The following SLCO2A1 variants were observed in gnomAD, a reference collection of about 807,000 sequenced individuals.
The protein encoded by SLCO2A1 is matrin F/G 1.
SLCO2A1 carries 60 observed loss-of-function variants against 71.7 expected under a neutral mutation model. The observed-to-expected ratio is 0.84, with a 90% CI of 0.68 to 1.04. SLCO2A1 has a LOEUF of 1.04. Among genes scored for constraint, SLCO2A1 ranks in the 50% least tolerant of loss-of-function variants. The probability of loss-of-function intolerance (pLI) is 0.00; values close to 1 mark genes in which losing one functional copy is unlikely to be tolerated. For missense variants in SLCO2A1, 745 were observed against 813.4 expected, an observed-to-expected ratio of 0.92 and a Z score of 1.02; for synonymous variants, 308 against 326.7, an observed-to-expected ratio of 0.94 and a Z score of 0.62.
At chr3:134,028,288 C>A (rs1935738478) in intron 1 of SLCO2A1, among the ~76,000 whole-genome samples, 2 of 152,138 alleles carry the variant, frequency 1.3e-5, no homozygotes, top group South Asian at 4.1e-4. Context: ...TAGTCCCTAC[C>A]CTTTCATCTC....
Position 133,968,628 on chromosome 3 carries a change from G to A in SLCO2A1, c.397+5035C>T, listed in dbSNP as rs1039996064. On this transcript the variant is annotated intron_variant, in intron 3 of 13. Coordinates refer to ENST00000310926, the MANE Select transcript of SLCO2A1 (RefSeq NM_005630.3). ...AACCTCCAGGAAGCTTCCTGCCTGC[G>A]GCATCCATTGTCTGCATGTGGGCAG... is the stretch of plus-strand genomic sequence containing the variant. Among the ~76,000 whole-genome samples the A allele has an allele frequency of 2.0e-5, 3 of 152,208 alleles. No homozygotes were observed. In the South Asian group the frequency reaches 6.2e-4, roughly 32 times the overall value.
intron 10 of SLCO2A1, among the ~76,000 whole-genome samples, chr3:133,944,106 C>A (rs1399098168): frequency 3.3e-5 from 5 of 152,160 alleles, no homozygotes; most frequent in Non-Finnish European, 7.3e-5. Context: ...ACATTCATGC[C>A]CTTGGGACTT....
chr3:134,019,847 C>T (rs1456188757), intron 1 of SLCO2A1, among the ~76,000 whole-genome samples: 2 of 152,220 alleles, frequency 1.3e-5, no homozygotes, highest in Non-Finnish European at 2.9e-5. Flanking sequence ...ATGACAGACC[C>T]TCTGGTTGAG....
chr3:134,012,707 G>A (rs981957045), intron 1 of SLCO2A1, among the ~76,000 whole-genome samples: 1 of 152,140 alleles, frequency 6.6e-6, no homozygotes, highest in Non-Finnish European at 1.5e-5. Context: ...AGGGAAATGA[G>A]CTCCACCGCT....
intron 2 of SLCO2A1, among the ~76,000 whole-genome samples, chr3:133,978,096 T>A (rs1459618181): frequency 6.6e-6 from 1 of 152,160 alleles, no homozygotes; most frequent in Non-Finnish European, 1.5e-5. Flanking sequence ...ATGCATGTCA[T>A]ATATGTGGCG....
At chr3:133,955,662 G>A (rs1444316238) in intron 3 of SLCO2A1, among the ~76,000 whole-genome samples, 1 of 152,176 alleles carries the variant, frequency 6.6e-6, no homozygotes, top group African/African-American at 2.4e-5. Flanking sequence ...TCTTCAGCAG[G>A]ACAGAGGTCA....
At chr3:134,004,694 G>A (rs1382653384) in intron 1 of SLCO2A1, among the ~76,000 whole-genome samples, 5 of 152,168 alleles carry the variant, frequency 3.3e-5, no homozygotes, top group African/African-American at 4.8e-5. Flanking sequence ...AAAGGAGAGT[G>A]ATTCAGATGG....
chr3:133,949,493 T>C (rs887217272), intron 6 of SLCO2A1, among the ~76,000 whole-genome samples: 1 of 152,178 alleles, frequency 6.6e-6, no homozygotes. Context: ...TGCACTTTCT[T>C]GGGTATACTA....
At chr3:133,948,433 C>T (rs1276643515) in intron 8 of SLCO2A1, 103 bp downstream of exon 8, 5 of 1,231,050 alleles carry the variant, frequency 4.1e-6, no homozygotes, top group Non-Finnish European at 5.7e-6. Context: ...CGGACCCTGC[C>T]TATGTCCGGT....
At chr3:133,967,361 A>G (rs1386197159) in intron 3 of SLCO2A1, among the ~76,000 whole-genome samples, 1 of 152,216 alleles carries the variant, frequency 6.6e-6, no homozygotes, top group Non-Finnish European at 1.5e-5. Context: ...GTCACGGCTC[A>G]GGCTCAGGCC....
Position 134,015,698 on chromosome 3 carries a change from T to C in SLCO2A1, c.96+14009A>G, listed in dbSNP as rs186735574. On this transcript the variant is annotated intron_variant, in intron 1 of 13. Transcript: ENST00000310926. ...ACGTCACATTGTACTCCATAATGTA[T>C]ACAATTATGCCAATCAAAAACTTGT... Among the ~76,000 whole-genome samples the C allele has an allele frequency of 1.5e-3, 229 of 152,304 alleles. 1 individual carries two copies. Among genetic ancestry groups the C allele is most frequent in the African/African-American group, 5.2e-3 (217 of 41,566 alleles).
At chr3:134,009,915 C>A (rs1275273496) in intron 1 of SLCO2A1, among the ~76,000 whole-genome samples, 1 of 152,202 alleles carries the variant, frequency 6.6e-6, no homozygotes, top group Non-Finnish European at 1.5e-5. Context: ...TGGAATGTGG[C>A]AATTCCCATG....
chr3:133,966,946 G>A (rs1934193505), intron 3 of SLCO2A1, among the ~76,000 whole-genome samples: 1 of 152,182 alleles, frequency 6.6e-6, no homozygotes, highest in Admixed American at 6.5e-5. Flanking sequence ...CCCTTTTTCT[G>A]TGGGGCTTTC....
intron 1 of SLCO2A1, among the ~76,000 whole-genome samples, chr3:133,985,819 C>T (rs1934701034): frequency 1.3e-5 from 2 of 152,220 alleles, no homozygotes; most frequent in East Asian, 3.8e-4. Context: ...ACATCCACCA[C>T]AGTAGTCATT....
intron 4 of SLCO2A1, 114 bp from the exon 5 acceptor site, chr3:133,953,875 G>A (rs1933815537): frequency 3.9e-6 from 3 of 772,826 alleles, no homozygotes; most frequent in Non-Finnish European, 2.2e-6. Context: ...TCCCAAGCCT[G>A]ATAAGCCCAC....
chr3:133,978,542 T>A (rs568579505), intron 2 of SLCO2A1, among the ~76,000 whole-genome samples: 1 of 152,252 alleles, frequency 6.6e-6, no homozygotes, highest in South Asian at 2.1e-4. Context: ...TGCCTTCTTT[T>A]ACAGTTCTGT....
intron 10 of SLCO2A1, among the ~76,000 whole-genome samples, chr3:133,942,990 C>CTGGGA (rs1933470601): frequency 6.6e-6 from 1 of 152,158 alleles, no homozygotes; most frequent in African/African-American, 2.4e-5. Flanking sequence ...AAACCATCTT[C>CTGGGA]TGGGCTGGGC....
chr3:133,942,363 TG>T, intron 11 of SLCO2A1: 1 of 425,648 alleles, frequency 2.3e-6, no homozygotes, highest in Non-Finnish European at 4.2e-6. Flanking sequence ...ATGGACGCTG[TG>T]GGACTGAATG....
chr3:134,000,960 C>T (rs1271391615), intron 1 of SLCO2A1, among the ~76,000 whole-genome samples: 1 of 152,198 alleles, frequency 6.6e-6, no homozygotes, highest in East Asian at 1.9e-4. Flanking sequence ...ATACCTGTTC[C>T]TAACAGAACT....
Sources: gnomAD v4.1 joint callset for allele counts (sites outside exome capture counted in the v4.1 genomes callset) on GRCh38, gnomAD v4.1.1 for gene constraint, MANE v1.5 for transcripts, NCBI Gene and HGNC (gene_info 2026-07-23, HGNC 2026-07-21) for gene names.